The following LRP1B variants were observed in gnomAD, a reference collection of about 807,000 sequenced individuals.
The protein encoded by LRP1B is LDL receptor related protein 1B, also known as low-density lipoprotein receptor-related protein 1B.
In LRP1B, 217 loss-of-function variants were observed where a neutral mutation model predicts 556.6. The ratio of observed to expected loss-of-function variants is 0.39; its 90% CI spans 0.35 to 0.44. The LOEUF (loss-of-function observed/expected upper bound fraction) is 0.44, where lower values mean the gene tolerates loss of function less well. Among genes scored for constraint, LRP1B ranks in the 20% least tolerant of loss-of-function variants. The pLI is 1.00. For missense variants in LRP1B, 5,053 were observed against 5,620.8 expected (o/e 0.90, Z 3.23); for synonymous variants, 2,047 against 1,865.8 (o/e 1.10, Z -2.50).
chr2:140,700,652 A>G (rs1361769707), intron 40 of LRP1B, 31 bp from the exon 41 acceptor site: 2 of 1,584,324 alleles, frequency 1.3e-6, no homozygotes, highest in Non-Finnish European at 1.7e-6. Context: ...ACACATGCAC[A>G]TGTTTATGTT....
chr2:140,609,418 T>A (rs1682988885), intron 41 of LRP1B, among the ~76,000 whole-genome samples: 1 of 152,162 alleles, frequency 6.6e-6, no homozygotes, highest in Non-Finnish European at 1.5e-5. Context: ...GCATTAAATA[T>A]CATTTACATG....
chr2:141,360,946 C>T (rs1688804981), intron 3 of LRP1B, among the ~76,000 whole-genome samples: 1 of 152,082 alleles, frequency 6.6e-6, no homozygotes, highest in Non-Finnish European at 1.5e-5. Flanking sequence ...TCTTTTCTTT[C>T]ACCTTGCCAT....
At chr2:142,034,613 C>T (rs988725770) in intron 1 of LRP1B, among the ~76,000 whole-genome samples, 2 of 151,862 alleles carry the variant, frequency 1.3e-5, no homozygotes, top group Middle Eastern at 3.4e-3. Context: ...TTTTAGTACT[C>T]AAGTGATTAT....
At chr2:141,247,714 T>C (rs1336709910) in intron 4 of LRP1B, among the ~76,000 whole-genome samples, 1 of 152,154 alleles carries the variant, frequency 6.6e-6, no homozygotes, top group Non-Finnish European at 1.5e-5. Context: ...TAACAAAGAA[T>C]TCGACTAGTA....
intron 2 of LRP1B, among the ~76,000 whole-genome samples, chr2:141,543,791 T>C (rs988844201): frequency 1.3e-5 from 2 of 151,506 alleles, no homozygotes; most frequent in Non-Finnish European, 2.9e-5. Flanking sequence ...TGGAGCACAA[T>C]AATTTTGAGT....
chr2:141,569,687 C>T (rs1686459295), intron 2 of LRP1B, among the ~76,000 whole-genome samples: 1 of 150,956 alleles, frequency 6.6e-6, no homozygotes, highest in Non-Finnish European at 1.5e-5. Flanking sequence ...GATTCATAAT[C>T]CAAAGCATTT....
chr2:141,549,476 A>C (rs933174310), intron 2 of LRP1B, among the ~76,000 whole-genome samples: 5 of 152,292 alleles, frequency 3.3e-5, no homozygotes, highest in African/African-American at 1.2e-4. Flanking sequence ...ATGTTTGTTC[A>C]GCCCCAAAAG....
At chr2:140,579,809 TCCAGCCTGGGCTACAGAGTG>T (rs1477564624) in intron 43 of LRP1B, among the ~76,000 whole-genome samples, 1 of 152,120 alleles carries the variant, frequency 6.6e-6, no homozygotes, top group African/African-American at 2.4e-5. Flanking sequence ...GCCACTGCAC[TCCAGCCTGGGCTACAGAGTG>T]AGACTCCATC....
At chr2:141,332,664 T>G (rs981764049) in intron 3 of LRP1B, among the ~76,000 whole-genome samples, 14 of 151,916 alleles carry the variant, frequency 9.2e-5, no homozygotes, top group African/African-American at 3.4e-4. Context: ...TTGCTACTTC[T>G]GATGAGTATT....
chr2:141,947,686 A>T (rs1352663170), intron 1 of LRP1B, among the ~76,000 whole-genome samples: 1 of 152,128 alleles, frequency 6.6e-6, no homozygotes, highest in Non-Finnish European at 1.5e-5. Context: ...CATTCCAGGC[A>T]AAACTTCAGT....
At chr2:140,859,697 T>C (rs1692729740) in intron 27 of LRP1B, among the ~76,000 whole-genome samples, 2 of 152,154 alleles carry the variant, frequency 1.3e-5, no homozygotes, top group Admixed American at 6.5e-5. Flanking sequence ...CCTTTGTTTA[T>C]GAAAATAAAT....
chr2:141,049,079 C>T lies in LRP1B; in HGVS notation c.1696G>A (p.Glu566Lys), dbSNP rs956972719. Reference protein sequence around the residue: ...VNPRALDFHAETNYIYFADTT... With the variant: ...VNPRALDFHAKTNYIYFADTT... ...TCAGCAAAGTAGATGTAATTGGTTT[C>T]TGCGTGAAAGTCTAAAGCACGAGGG... Residue 566 changes from glutamate (E) to lysine (K), a missense_variant, in exon 11 of 91, where the codon GAA becomes AAA. Physicochemically the swap from Glu to Lys is moderately conservative, Grantham distance 56 (BLOSUM62 1). Transcript: ENST00000389484. 2 of 1,613,630 alleles carry T rather than the reference C, an allele frequency of 1.2e-6. No individual in the cohort carries two copies. Among genetic ancestry groups the T allele is most frequent in the East Asian group, 2.2e-5 (1 of 44,820 alleles).
chr2:141,916,424 G>A (rs1003332347), intron 1 of LRP1B, among the ~76,000 whole-genome samples: 7 of 151,168 alleles, frequency 4.6e-5, no homozygotes, highest in African/African-American at 7.3e-5. Flanking sequence ...GAGTGCAGCG[G>A]CACAATCTCG....
chr2:141,477,309 A>AAAG (rs1553519618), intron 3 of LRP1B, among the ~76,000 whole-genome samples: 1 of 151,836 alleles, frequency 6.6e-6, no homozygotes, highest in Non-Finnish European at 1.5e-5. Context: ...AAAAAAAAAA[A>AAAG]AAAGAAAGAA....
intron 41 of LRP1B, among the ~76,000 whole-genome samples, chr2:140,671,745 T>G (rs1405566016): frequency 6.6e-6 from 1 of 152,182 alleles, no homozygotes; most frequent in African/African-American, 2.4e-5. Flanking sequence ...TTTTTCCATC[T>G]CAATATCCTT....
At chr2:140,581,594 G>T (rs1478210619) in intron 43 of LRP1B, among the ~76,000 whole-genome samples, 3 of 151,286 alleles carry the variant, frequency 2.0e-5, no homozygotes, top group Non-Finnish European at 4.4e-5. Context: ...GCTTTGAATT[G>T]TTCTTTAAAT....
intron 1 of LRP1B, among the ~76,000 whole-genome samples, chr2:141,943,995 A>T (rs1574515580): frequency 6.6e-6 from 1 of 152,198 alleles, no homozygotes; most frequent in Admixed American, 6.5e-5. Flanking sequence ...ACAGGGGAAC[A>T]GGAGGGCCAG....
At chr2:142,061,859 G>C (rs1025551846) in intron 1 of LRP1B, among the ~76,000 whole-genome samples, 1 of 151,858 alleles carries the variant, frequency 6.6e-6, no homozygotes, top group African/African-American at 2.4e-5. Flanking sequence ...GAAATTTTAG[G>C]TTAATAAATT....
intron 1 of LRP1B, among the ~76,000 whole-genome samples, chr2:141,850,351 T>C (rs1697805123): frequency 6.6e-6 from 1 of 151,770 alleles, no homozygotes; most frequent in African/African-American, 2.4e-5. Flanking sequence ...CAAAATTCTT[T>C]TGTGATCTTT....
Sources: gnomAD v4.1 joint callset for allele counts (sites outside exome capture counted in the v4.1 genomes callset) on GRCh38, gnomAD v4.1.1 for gene constraint, MANE v1.5 for transcripts, NCBI Gene and HGNC (gene_info 2026-07-23, HGNC 2026-07-21) for gene names.